The following GNAI1 variants were observed in gnomAD, a reference collection of about 807,000 sequenced individuals.
GNAI1 encodes the protein guanine nucleotide-binding protein G(i) subunit alpha-1.
A neutral mutation model predicts 38.9 loss-of-function variants in GNAI1; 11 were observed. The ratio of observed to expected loss-of-function variants is 0.28; its 90% CI spans 0.18 to 0.47. The LOEUF is 0.47. Ranked by LOEUF, GNAI1 falls within the 20% of genes least tolerant of loss-of-function variation. The pLI is 0.99. For synonymous variants in GNAI1, 166 were observed against 145.1 expected, an observed-to-expected ratio of 1.14 and a Z score of -1.04; for missense variants, 317 against 436.9, an observed-to-expected ratio of 0.73 and a Z score of 2.45.
chr7:80,184,476 C>T (rs1788357112), intron 1 of GNAI1, among the ~76,000 whole-genome samples: 1 of 152,158 alleles, frequency 6.6e-6, no homozygotes, highest in Non-Finnish European at 1.5e-5. Flanking sequence ...TGCCCATACT[C>T]ACTTGAGGCA....
intron 7 of GNAI1, among the ~76,000 whole-genome samples, chr7:80,215,384 C>T (rs1788941868): frequency 6.6e-6 from 1 of 152,148 alleles, no homozygotes; most frequent in Non-Finnish European, 1.5e-5. Flanking sequence ...CAACAAGATG[C>T]TGTTGATTGC....
chr7:80,206,779 G>A (rs1788783991), intron 5 of GNAI1, among the ~76,000 whole-genome samples: 1 of 151,958 alleles, frequency 6.6e-6, no homozygotes, highest in Non-Finnish European at 1.5e-5. Context: ...TATACACCAT[G>A]TTTCTTCGTA....
At chr7:80,175,843 A>C (rs1183958596) in intron 1 of GNAI1, among the ~76,000 whole-genome samples, 1 of 152,046 alleles carries the variant, frequency 6.6e-6, no homozygotes, top group African/African-American at 2.4e-5. Context: ...CCTCTCCTCA[A>C]ACCTCCCTAT....
intron 1 of GNAI1, among the ~76,000 whole-genome samples, chr7:80,177,811 C>T (rs1430930439): frequency 6.6e-6 from 1 of 152,148 alleles, no homozygotes; most frequent in Non-Finnish European, 1.5e-5. Flanking sequence ...AGTATTTGTT[C>T]TGCAGCTTAT....
At chr7:80,198,939 C>T (rs1788631358) in intron 3 of GNAI1, among the ~76,000 whole-genome samples, 2 of 152,146 alleles carry the variant, frequency 1.3e-5, no homozygotes, top group African/African-American at 2.4e-5. Flanking sequence ...GGATAATTGG[C>T]TAATGTCCCC....
chr7:80,143,998 A>T (rs948975208), intron 1 of GNAI1, among the ~76,000 whole-genome samples: 2 of 151,816 alleles, frequency 1.3e-5, no homozygotes, highest in Non-Finnish European at 2.9e-5. Context: ...AAGAAGTATA[A>T]ATTCAGTTTT....
intron 3 of GNAI1, among the ~76,000 whole-genome samples, chr7:80,195,440 A>G (rs1170135913): frequency 1.3e-5 from 2 of 151,218 alleles, no homozygotes; most frequent in Non-Finnish European, 3.0e-5. Flanking sequence ...CTGCTTTTAG[A>G]AAAAAAAATG....
intron 1 of GNAI1, among the ~76,000 whole-genome samples, chr7:80,159,363 A>C (rs1234666100): frequency 6.6e-6 from 1 of 152,120 alleles, no homozygotes; most frequent in East Asian, 1.9e-4. Flanking sequence ...CTGTAGCCCC[A>C]CCTTGAGAGG....
At chr7:80,169,398 C>T (rs1477953132) in intron 1 of GNAI1, among the ~76,000 whole-genome samples, 1 of 152,094 alleles carries the variant, frequency 6.6e-6, no homozygotes, top group Admixed American at 6.6e-5. Context: ...TATCAAACAC[C>T]ACCCCTATCT....
At chr7:80,138,552 C>G (rs745798111) in intron 1 of GNAI1, among the ~76,000 whole-genome samples, 1 of 152,024 alleles carries the variant, frequency 6.6e-6, no homozygotes, top group Admixed American at 6.6e-5. Flanking sequence ...ATTGTTATAT[C>G]TTTGAGAATG....
intron 1 of GNAI1, among the ~76,000 whole-genome samples, chr7:80,142,479 T>C (rs1048343442): frequency 6.6e-6 from 1 of 152,224 alleles, no homozygotes; most frequent in Non-Finnish European, 1.5e-5. Context: ...TTCCTACTAA[T>C]ACCATATTGA....
chr7:80,196,661 T>C (rs1159444893), intron 3 of GNAI1, among the ~76,000 whole-genome samples: 1 of 152,008 alleles, frequency 6.6e-6, no homozygotes, highest in Non-Finnish European at 1.5e-5. Flanking sequence ...GTTCGTTTTA[T>C]ACAGAAGATT....
At chr7:80,200,292 C>T (rs1562841097) in intron 4 of GNAI1, among the ~76,000 whole-genome samples, 1 of 114,182 alleles carries the variant, frequency 8.8e-6, no homozygotes, top group East Asian at 2.8e-4. Context: ...TACCACTGCA[C>T]TCCAGCCTGG....
chr7:80,203,965 A>T, intron 5 of GNAI1, 133 bp downstream of exon 5: 2 of 511,722 alleles, frequency 3.9e-6, no homozygotes, highest in East Asian at 7.0e-5. Context: ...TCTTCAGATG[A>T]TTGGACAAAA....
In GNAI1 at chr7:80,206,121, A is replaced by G. The variant is rs192655930; in HGVS notation, c.590+2289A>G. Among the ~76,000 whole-genome samples the G allele has an allele frequency of 2.1e-3, 312 of 152,192 alleles. 11 individuals carry two copies. Among genetic ancestry groups the G allele is most frequent in the Admixed American group, 0.02 (308 of 15,280 alleles). ...TGCTTCCATAAGTATTTTAAATTTA[A>G]TACATTTGTTACTATCACTTGTCAC... On this transcript the variant is annotated intron_variant, in intron 5 of 7. Coordinates refer to ENST00000649796, the MANE Select transcript of GNAI1 (RefSeq NM_002069.6).
chr7:80,159,136 T>C (rs1436298480), intron 1 of GNAI1, among the ~76,000 whole-genome samples: 1 of 152,162 alleles, frequency 6.6e-6, no homozygotes, highest in Non-Finnish European at 1.5e-5. Context: ...AAATTTATCT[T>C]GTGCTGCTGG....
At chr7:80,149,122 T>G (rs1787681521) in intron 1 of GNAI1, among the ~76,000 whole-genome samples, 1 of 152,160 alleles carries the variant, frequency 6.6e-6, no homozygotes, top group Non-Finnish European at 1.5e-5. Flanking sequence ...CGATGTATTT[T>G]GAGTGGTTGA....
chr7:80,159,796 G>T (rs756356706), intron 1 of GNAI1, among the ~76,000 whole-genome samples: 1 of 152,106 alleles, frequency 6.6e-6, no homozygotes, highest in East Asian at 1.9e-4. Context: ...CAGCTTCCTC[G>T]CTGGTAGTGT....
At chr7:80,217,244 T>TTGC in intron 7 of GNAI1, 59 bp from the exon 8 acceptor site, 1 of 1,093,800 alleles carries the variant, frequency 9.1e-7, no homozygotes, top group Non-Finnish European at 1.3e-6. Context: ...CTGAATTCAG[T>TTGC]ATTTTAAGCA....
Sources: gnomAD v4.1 joint callset for allele counts (sites outside exome capture counted in the v4.1 genomes callset) on GRCh38, gnomAD v4.1.1 for gene constraint, MANE v1.5 for transcripts, NCBI Gene and HGNC (gene_info 2026-07-23, HGNC 2026-07-21) for gene names.